FAM193B: variants seen among roughly 807,000 people sequenced by gnomAD.
The protein encoded by FAM193B is protein FAM193B.
FAM193B carries 27 observed loss-of-function variants against 70.7 expected under a neutral mutation model. That is an observed-to-expected ratio of 0.38 (90% CI 0.28 to 0.53). The LOEUF is 0.53. Among genes scored for constraint, FAM193B ranks in the 20% least tolerant of loss-of-function variants. The pLI is 0.81. For synonymous variants in FAM193B, 448 were observed against 436.0 expected (o/e 1.03, Z -0.34); for missense variants, 1,022 against 1,072.5 (o/e 0.95, Z 0.66).
chr5:177,552,202 G>C (rs1172556770), intron 1 of FAM193B: 2 of 329,806 alleles, frequency 6.1e-6, no homozygotes, highest in Non-Finnish European at 8.7e-6. Context: ...CCAGGCACAG[G>C]GGTACAATGG....
intron 3 of FAM193B, 30 bp from the exon 4 acceptor site, chr5:177,536,775 G>C: frequency 6.5e-7 from 1 of 1,543,094 alleles, no homozygotes; most frequent in Non-Finnish European, 8.7e-7. Flanking sequence ...AAAGGGGTCA[G>C]AATGGGAGCC....
intron 4 of FAM193B, among the ~76,000 whole-genome samples, chr5:177,533,461 C>A (rs528023035): frequency 1.3e-5 from 2 of 152,030 alleles, no homozygotes; most frequent in Non-Finnish European, 2.9e-5. Flanking sequence ...CCCGCAACCA[C>A]GCCCGGCTAA....
chr5:177,524,992 T>C lies in FAM193B; in HGVS notation c.1489A>G (p.Met497Val). Residue 497 changes from methionine to valine, a missense_variant, in exon 6 of 9, where the codon ATG becomes GTG. Transcript: ENST00000514747. ...TCCTTAGAGAAGCCATTGCTGTCCA[T>C]GCTGAGCTCACACACACTGAAGCTG... ...RASFSVCELS[M>V]DSNGFSKEGA... 6.6e-7 allele frequency: 1 copy of C among 1,526,256 alleles called. No individual in the cohort carries two copies. The highest frequency in any genetic ancestry group is 8.8e-7 in the Non-Finnish European group (1 of 1,138,036). 94.5% of individuals were successfully genotyped at this position (1,526,256 alleles called of 1,614,324 possible).
Position 177,521,985 on chromosome 5 carries a change from G to A in FAM193B, c.2459C>T (p.Thr820Ile). ...TGGGGTCTCTGTACCTCACTGAGCT[G>A]TGCTAGGAGTGGTTTTCTTGAGGCT... ...NFSLKKTTPS[T>I]AQ Residue 820 changes from threonine to isoleucine, a missense_variant, in exon 8 of 9, where the codon ACA becomes ATA. Physicochemically the swap from Thr to Ile is moderately conservative, Grantham distance 89. Transcript: ENST00000514747. 1.2e-6 allele frequency: 2 copies of A among 1,613,760 alleles called. No homozygotes were observed. Among genetic ancestry groups the A allele is most frequent in the South Asian group, 2.2e-5 (2 of 91,086 alleles).
chr5:177,543,292 G>A (rs1026220725), intron 1 of FAM193B, among the ~76,000 whole-genome samples: 4 of 152,230 alleles, frequency 2.6e-5, no homozygotes, highest in Non-Finnish European at 5.9e-5. Flanking sequence ...ACAGAACTGA[G>A]TGATGATACC....
At chr5:177,530,295 T>C (rs1252116866) in intron 5 of FAM193B, among the ~76,000 whole-genome samples, 1 of 152,222 alleles carries the variant, frequency 6.6e-6, no homozygotes, top group Non-Finnish European at 1.5e-5. Flanking sequence ...TCCACTTAGA[T>C]GTCTCACGGG....
chr5:177,547,286 C>CTTTTTTTTTTTTTTTTTTTTT (rs35063787), intron 1 of FAM193B: 1 of 89,414 alleles, frequency 1.1e-5, no homozygotes, highest in Non-Finnish European at 2.0e-5. Context: ...AAATTTATTT[C>CTTTTTTTTTTTTTTTTTTTTT]TTTTTTTTTT....
intron 1 of FAM193B, among the ~76,000 whole-genome samples, chr5:177,549,234 C>T (rs1355966575): frequency 1.4e-5 from 2 of 145,888 alleles, no homozygotes; most frequent in African/African-American, 2.5e-5. Flanking sequence ...GCTCTGTCGC[C>T]CAGGCTGGAG....
chr5:177,532,327 G>A lies in FAM193B; in HGVS notation c.1275+116C>T, dbSNP rs370967093. 1.3e-5 allele frequency: 19 copies of A among 1,488,944 alleles called. No homozygotes were observed. The highest frequency in any genetic ancestry group is 8.5e-5 in the African/African-American group (6 of 70,618). The allele number at this position is 1,488,944 out of a possible 1,614,324, so 92.2% of individuals were successfully genotyped here. ...AGCAGACGCAGGTGCAAGGACTCAC[G>A]GCCCCAGCACGGTAATTACCACCGT... On this transcript the variant is annotated intron_variant, in intron 5 of 8. Coordinates refer to ENST00000514747, the MANE Select transcript of FAM193B (RefSeq NM_001190946.3). The surrounding 1 kb of genome is among the most constrained non-coding windows in gnomAD (Gnocchi z 4.9).
intron 1 of FAM193B, among the ~76,000 whole-genome samples, chr5:177,551,171 C>A (rs537566971): frequency 1.3e-5 from 2 of 152,134 alleles, no homozygotes; most frequent in Non-Finnish European, 2.9e-5. Flanking sequence ...AAGCAACTTG[C>A]GGAGTCACAA....
chr5:177,521,905 G>C, intron 8 of FAM193B, 69 bp downstream of exon 8: 1 of 1,229,478 alleles, frequency 8.1e-7, no homozygotes, highest in Non-Finnish European at 1.2e-6. Flanking sequence ...AGAATGGTCT[G>C]GTGAGCGTAC....
chr5:177,538,874 C>T lies in FAM193B; in HGVS notation c.453+31G>A, dbSNP rs1424464403. 7 of 1,610,736 alleles carry T rather than the reference C, an allele frequency of 4.3e-6. No individual in the cohort carries two copies. The highest frequency in any genetic ancestry group is 5.9e-6 in the Non-Finnish European group (7 of 1,177,616). ...ACTTCCTTGGGGAGGAGCCCTCCTG[C>T]ATTCAGGGACCCCTGTCAGCGGTTA... On this transcript the variant is annotated intron_variant, in intron 2 of 8. Transcript: ENST00000514747. This position sits in a 1 kb window ranked among gnomAD's most constrained non-coding sequence, Gnocchi z 4.1.
chr5:177,548,993 C>G (rs1057121646), intron 1 of FAM193B, among the ~76,000 whole-genome samples: 3 of 152,066 alleles, frequency 2.0e-5, no homozygotes, highest in African/African-American at 7.2e-5. Context: ...TTTCTACCAC[C>G]TTGTCCTCTG....
At chr5:177,549,394 C>T (rs1303334110) in intron 1 of FAM193B, among the ~76,000 whole-genome samples, 4 of 151,894 alleles carry the variant, frequency 2.6e-5, no homozygotes, top group African/African-American at 9.7e-5. Flanking sequence ...AGGGTTTCAC[C>T]GTGTTAGCCA....
At chr5:177,526,190 T>C (rs1762573541) in intron 5 of FAM193B, among the ~76,000 whole-genome samples, 1 of 152,234 alleles carries the variant, frequency 6.6e-6, no homozygotes, top group African/African-American at 2.4e-5. Context: ...TTGTGAACCC[T>C]GGCTCCACAA....
At position 177,536,699 on chromosome 5, in the gene FAM193B, A is replaced by C. The variant is rs1225654528; in HGVS notation, c.735T>G (p.Thr245=). ...GGCCGGTGGGGCTGTTAGGGGGAGC[A>C]GTGAGGTCTGAGTGCTGGTGGTGCT... The part of the protein sequence containing the change: ...VSEHHQHSDL[T]APPNSPTGHH... Residue 245 remains threonine, a synonymous_variant, in exon 4 of 9, where the codon ACT becomes ACG. Transcript: ENST00000514747. 17 of 1,559,356 alleles carry C rather than the reference A, an allele frequency of 1.1e-5. No homozygotes were observed. Among genetic ancestry groups the C allele is most frequent in the Non-Finnish European group, 1.5e-5 (17 of 1,154,776 alleles).
Position 177,553,529 on chromosome 5 carries a change from A to T in FAM193B, c.210+720T>A, listed in dbSNP as rs1401887734. 4 of 1,142,426 alleles carry T rather than the reference A, an allele frequency of 3.5e-6. No individual in the cohort carries two copies. The East Asian group carries it at 2.2e-4, about 63-fold the overall frequency. The allele number at this position is 1,142,426 out of a possible 1,614,324, so 70.8% of individuals were successfully genotyped here. Reference sequence around the variant, plus strand: ...TATCTCCTTTGCTCAAAAGAAAGTGACCTTCTTCCAGGTGGCAAGCTGGAA... The same window carrying T: ...TATCTCCTTTGCTCAAAAGAAAGTGTCCTTCTTCCAGGTGGCAAGCTGGAA... On this transcript the variant is annotated intron_variant, in intron 1 of 8. Coordinates refer to ENST00000514747, the MANE Select transcript of FAM193B (RefSeq NM_001190946.3).
intron 1 of FAM193B, among the ~76,000 whole-genome samples, chr5:177,541,018 G>A (rs1764787474): frequency 6.6e-6 from 1 of 152,192 alleles, no homozygotes; most frequent in African/African-American, 2.4e-5. Flanking sequence ...CCAAACAGTA[G>A]TACCAGAAGC....
chr5:177,543,297 G>A (rs937468680), intron 1 of FAM193B, among the ~76,000 whole-genome samples: 1 of 152,176 alleles, frequency 6.6e-6, no homozygotes, highest in African/African-American at 2.4e-5. Flanking sequence ...ACTGAGTGAT[G>A]ATACCACCCA....
Sources: allele counts gnomAD v4.1 joint callset (sites outside exome capture counted in the v4.1 genomes callset), GRCh38; gene constraint gnomAD v4.1.1; non-coding constraint Gnocchi (gnomAD v3.1); transcripts MANE v1.5; gene names NCBI Gene and HGNC (gene_info 2026-07-23, HGNC 2026-07-21).